The following TMEM44 variants were observed in gnomAD, a reference collection of about 807,000 sequenced individuals.
TMEM44 encodes transmembrane protein 44.
Under a neutral mutation model 47.8 loss-of-function variants are expected in TMEM44, and 43 were observed. That is an observed-to-expected ratio of 0.90 (90% CI 0.70 to 1.16). The LOEUF (loss-of-function observed/expected upper bound fraction) is 1.16, where lower values mean the gene tolerates loss of function less well. Ranked by LOEUF, TMEM44 falls within the 50% of genes most tolerant of loss-of-function variation. The probability of loss-of-function intolerance (pLI) is 0.00; values close to 1 mark genes in which losing one functional copy is unlikely to be tolerated. For synonymous variants in TMEM44, 277 were observed against 238.8 expected, an observed-to-expected ratio of 1.16 and a Z score of -1.48; for missense variants, 568 against 555.2, an observed-to-expected ratio of 1.02 and a Z score of -0.23.
Position 194,615,595 on chromosome 3 carries a change from C to T in TMEM44, c.886G>A (p.Ala296Thr), listed in dbSNP as rs1278951861. 6.2e-7 allele frequency: 1 copy of T among 1,614,172 alleles called. No homozygotes were observed. Among genetic ancestry groups the T allele is most frequent in the Admixed American group, 1.7e-5 (1 of 60,016 alleles). Reference sequence around the variant, plus strand: ...TCCTGGTTTTCTTCCTCTTTCTCTGCACAGGTCAAAAGGGCTTGGGTGTCA... The same window carrying T: ...TCCTGGTTTTCTTCCTCTTTCTCTGTACAGGTCAAAAGGGCTTGGGTGTCA... Reference protein sequence around the residue: ...SPDTQALLTCAEKEEENQENL... With the variant: ...SPDTQALLTCTEKEEENQENL... Residue 296 changes from alanine to threonine, a missense_variant, in exon 7 of 10, where the codon GCA becomes ACA. Ala to Thr is a moderately conservative substitution (Grantham distance 58). Coordinates refer to ENST00000347147, the MANE Select transcript of TMEM44 (RefSeq NM_001011655.3).
intron 8 of TMEM44, among the ~76,000 whole-genome samples, chr3:194,606,914 C>G (rs567513592): frequency 7.2e-6 from 1 of 137,956 alleles, no homozygotes; most frequent in Non-Finnish European, 1.5e-5. Context: ...GATTGTGCCA[C>G]TGCACTCCAG....
intron 1 of TMEM44, among the ~76,000 whole-genome samples, 199 bp from the exon 2 acceptor site, chr3:194,628,708 A>C (rs943870791): frequency 3.9e-5 from 6 of 152,202 alleles, no homozygotes; most frequent in African/African-American, 1.4e-4. Context: ...TGCCCATGGC[A>C]GGAGCTAGAC....
Position 194,625,977 on chromosome 3 carries a change from G to A in TMEM44, c.278C>T (p.Ala93Val), listed in dbSNP as rs1465081021. ...CACTAAGTCAATAGCTGCTAGGTAG[G>A]CACCAGTGAAAACCTGGGAGCAAAC... ...RQLTIQVFTG[A>V]YLAAIDLVNF... Residue 93 changes from alanine (A) to valine (V), a missense_variant, in exon 3 of 10, where the codon GCC becomes GTC. By Grantham distance (64) the Ala-to-Val change is moderately conservative. Transcript: ENST00000347147. 2 of 1,613,416 alleles carry A rather than the reference G, an allele frequency of 1.2e-6. No individual in the cohort carries two copies. Among genetic ancestry groups the A allele is most frequent in the Admixed American group, 1.7e-5 (1 of 60,002 alleles).
At chr3:194,623,883 C>T (rs1189264002) in intron 3 of TMEM44, among the ~76,000 whole-genome samples, 188 bp from the exon 4 acceptor site, 1 of 152,186 alleles carries the variant, frequency 6.6e-6, no homozygotes, top group Non-Finnish European at 1.5e-5. Context: ...AGGAGTCTTT[C>T]CTCTCCACCA....
rs562623596 is a variant in TMEM44 at position 194,591,067 on chromosome 3, G to A, written c.1177-2428C>T. ...AAATTAGCCAAGTATAGTGGTGGGCGCCCGTAATCCCAGCTACTTGGGAGG... is the reference window on the plus strand; with the variant it reads ...AAATTAGCCAAGTATAGTGGTGGGCACCCGTAATCCCAGCTACTTGGGAGG... On this transcript the variant is annotated intron_variant, in intron 9 of 9. Coordinates refer to ENST00000347147, the MANE Select transcript of TMEM44 (RefSeq NM_001011655.3). Among the ~76,000 whole-genome samples, 28 of 150,936 alleles carry A rather than the reference G, an allele frequency of 1.9e-4. No individual in the cohort carries two copies. The Middle Eastern group carries it at 0.01, about 56-fold the overall frequency.
intron 1 of TMEM44, 87 bp downstream of exon 1, chr3:194,632,992 C>T (rs890377270): frequency 3.3e-4 from 495 of 1,495,948 alleles, no homozygotes; most frequent in Non-Finnish European, 4.0e-4. Context: ...CCCTTTCCGC[C>T]CCCTCCTCTA....
chr3:194,594,187 T>C (rs757550359), intron 9 of TMEM44, among the ~76,000 whole-genome samples: 7 of 98,162 alleles, frequency 7.1e-5, no homozygotes, highest in African/African-American at 1.1e-4. Flanking sequence ...CTGTGTATGA[T>C]GGAGTTTCAC....
At chr3:194,602,276 A>T (rs1437944169) in intron 9 of TMEM44, among the ~76,000 whole-genome samples, 1 of 152,230 alleles carries the variant, frequency 6.6e-6, no homozygotes, top group Non-Finnish European at 1.5e-5. Context: ...CTCCTGGGGC[A>T]CACGGCCAGC....
chr3:194,629,620 T>C (rs915017457), intron 1 of TMEM44, among the ~76,000 whole-genome samples: 1 of 151,588 alleles, frequency 6.6e-6, no homozygotes, highest in African/African-American at 2.4e-5. Context: ...GCGTCCCTGA[T>C]AGGGCCTCTG....
At chr3:194,624,667 A>G (rs1427116743) in intron 3 of TMEM44, among the ~76,000 whole-genome samples, 4 of 150,536 alleles carry the variant, frequency 2.7e-5, no homozygotes, top group African/African-American at 9.8e-5. Context: ...AATCTTCCCA[A>G]CTCAGCCTCC....
chr3:194,592,166 C>T lies in TMEM44; in HGVS notation c.1177-3527G>A, dbSNP rs371114878. On this transcript the variant is annotated intron_variant, in intron 9 of 9. Coordinates refer to ENST00000347147, the MANE Select transcript of TMEM44 (RefSeq NM_001011655.3). The stretch of plus-strand genomic sequence containing the variant: ...CCAGGAGGCGGAGCTTGCAGTGAGC[C>T]GAGATCGCACCACTGCAGTCCGCAG... Among the ~76,000 whole-genome samples the T allele has an allele frequency of 6.4e-3, 964 of 150,234 alleles. 25 individuals are homozygous for T. Among genetic ancestry groups the T allele is most frequent in the African/African-American group, 0.022 (884 of 40,442 alleles).
At chr3:194,617,750 C>T (rs986650773) in intron 5 of TMEM44, 48 of 703,754 alleles carry the variant, frequency 6.8e-5, no homozygotes, top group Middle Eastern at 2.3e-4. Context: ...CATGTTGAGT[C>T]GTAATCCCCA....
At chr3:194,613,004 AC>A (rs1353656772) in intron 7 of TMEM44, among the ~76,000 whole-genome samples, 1 of 152,146 alleles carries the variant, frequency 6.6e-6, no homozygotes, top group African/African-American at 2.4e-5. Flanking sequence ...ATTATTTGGA[AC>A]CAAAAACTTT....
intron 9 of TMEM44, among the ~76,000 whole-genome samples, chr3:194,594,165 A>ATCTATCTGTCTGTC (rs766929721): frequency 2.6e-5 from 2 of 76,442 alleles, no homozygotes; most frequent in East Asian, 6.9e-4. Flanking sequence ...CTATCTATCT[A>ATCTATCTGTCTGTC]TATCTATCTA....
At chr3:194,609,313 C>A (rs1312492660) in intron 8 of TMEM44, among the ~76,000 whole-genome samples, 1 of 152,040 alleles carries the variant, frequency 6.6e-6, no homozygotes, top group Non-Finnish European at 1.5e-5. Context: ...GACTGTGGGA[C>A]TGCAGGGCCC....
intron 1 of TMEM44, among the ~76,000 whole-genome samples, chr3:194,630,823 C>T (rs1012994308): frequency 2.8e-5 from 4 of 144,378 alleles, no homozygotes; most frequent in African/African-American, 5.2e-5. Context: ...CTGTTTCCGT[C>T]GGCATCACTG....
At chr3:194,601,837 C>A (rs1222442577) in intron 9 of TMEM44, among the ~76,000 whole-genome samples, 1 of 152,166 alleles carries the variant, frequency 6.6e-6, no homozygotes, top group African/African-American at 2.4e-5. Context: ...AAGAAAACAG[C>A]CCAAATCAGC....
At chr3:194,598,615 A>T (rs1713698201) in intron 9 of TMEM44, among the ~76,000 whole-genome samples, 1 of 152,220 alleles carries the variant, frequency 6.6e-6, no homozygotes, top group East Asian at 1.9e-4. Flanking sequence ...TGCCTAGCAT[A>T]GTCACTGTTC....
intron 7 of TMEM44, among the ~76,000 whole-genome samples, chr3:194,612,380 G>A (rs1476624049): frequency 1.3e-5 from 2 of 152,190 alleles, no homozygotes; most frequent in African/African-American, 4.8e-5. Context: ...TATAAAAAAT[G>A]CTTTCCTCTG....
Sources: gnomAD v4.1 joint callset for allele counts (sites outside exome capture counted in the v4.1 genomes callset) on GRCh38, gnomAD v4.1.1 for gene constraint, MANE v1.5 for transcripts, NCBI Gene and HGNC (gene_info 2026-07-23, HGNC 2026-07-21) for gene names.